VAV1: variants seen among roughly 807,000 people sequenced by gnomAD.
The protein encoded by VAV1 is vav guanine nucleotide exchange factor 1, also known as proto-oncogene vav.
VAV1 carries 33 observed loss-of-function variants against 128.1 expected under a neutral mutation model. The ratio of observed to expected loss-of-function variants is 0.26; its 90% CI spans 0.20 to 0.34. The LOEUF is 0.34. Ranked by LOEUF, VAV1 falls within the 10% of genes least tolerant of loss-of-function variation. The pLI is 1.00. For synonymous variants in VAV1, 394 were observed against 409.8 expected, an observed-to-expected ratio of 0.96 and a Z score of 0.47; for missense variants, 715 against 1,093.7, an observed-to-expected ratio of 0.65 and a Z score of 4.88.
chr19:6,803,117 G>A (rs1409509713), intron 1 of VAV1, among the ~76,000 whole-genome samples: 1 of 152,190 alleles, frequency 6.6e-6, no homozygotes, highest in Non-Finnish European at 1.5e-5. Flanking sequence ...GCCCAGGAAA[G>A]AATTCCAGGG....
At chr19:6,849,391 C>T (rs528150572) in intron 23 of VAV1, among the ~76,000 whole-genome samples, 24 of 141,110 alleles carry the variant, frequency 1.7e-4, no homozygotes, top group Admixed American at 4.6e-4. Flanking sequence ...CAGGTTCAAG[C>T]GAGTCTTCTG....
chr19:6,776,007 C>T (rs1408366786), intron 1 of VAV1, among the ~76,000 whole-genome samples: 2 of 152,008 alleles, frequency 1.3e-5, no homozygotes, highest in Non-Finnish European at 2.9e-5. Context: ...CGTTCATCCA[C>T]CCATCCACTC....
chr19:6,784,343 C>T, intron 1 of VAV1: 2 of 447,268 alleles, frequency 4.5e-6, no homozygotes, highest in South Asian at 5.4e-5. Flanking sequence ...AGGAATTCAG[C>T]TGGGGATGAG....
intron 1 of VAV1, among the ~76,000 whole-genome samples, chr19:6,774,388 A>C (rs1408961275): frequency 1.4e-5 from 2 of 147,326 alleles, no homozygotes; most frequent in Admixed American, 6.8e-5. Flanking sequence ...TCGGCCTCCC[A>C]AAGTGCTGGG....
At chr19:6,846,588 T>C (rs2144819928) in intron 22 of VAV1, among the ~76,000 whole-genome samples, 1 of 149,688 alleles carries the variant, frequency 6.7e-6, no homozygotes, top group African/African-American at 2.4e-5. Flanking sequence ...TATATAATTA[T>C]GTATTACATA....
chr19:6,843,266 T>C, intron 22 of VAV1, 100 bp downstream of exon 22: 1 of 1,358,034 alleles, frequency 7.4e-7, no homozygotes, highest in South Asian at 1.2e-5. Context: ...TTATGCATTC[T>C]GTGATCCCTG....
At chr19:6,821,509 G>C in intron 2 of VAV1, 113 bp from the exon 3 acceptor site, 1 of 1,264,416 alleles carries the variant, frequency 7.9e-7, no homozygotes, top group Non-Finnish European at 1.2e-6. Flanking sequence ...TCCTGAATTA[G>C]GCTTCCAAGA....
At chr19:6,829,135 A>G (rs905272482) in intron 13 of VAV1, among the ~76,000 whole-genome samples, 2 of 130,072 alleles carry the variant, frequency 1.5e-5, no homozygotes, top group Admixed American at 7.7e-5. Flanking sequence ...CAGATCTGGG[A>G]GGAGCCTGGG....
At chr19:6,791,940 G>C (rs542657317) in intron 1 of VAV1, among the ~76,000 whole-genome samples, 1 of 151,830 alleles carries the variant, frequency 6.6e-6, no homozygotes, top group African/African-American at 2.4e-5. Flanking sequence ...AGTGGAGGGA[G>C]AGTGGTAAAG....
Position 6,825,128 on chromosome 19 carries a change from C to T in VAV1, c.723+7C>T, listed in dbSNP as rs751163988. 32 of 1,610,666 alleles carry T rather than the reference C, an allele frequency of 2.0e-5. No homozygotes were observed. Among genetic ancestry groups the T allele is most frequent in the East Asian group, 8.9e-5 (4 of 44,892 alleles). On this transcript the variant is annotated splice_region_variant and intron_variant, in intron 7 of 26. Coordinates refer to ENST00000602142, the MANE Select transcript of VAV1 (RefSeq NM_005428.4). ...CATCTTTATCAACATTGAGGTGAGCCGGCCGATCCCCAGCCCTCTTGGGTC... is the reference window on the plus strand; with the variant it reads ...CATCTTTATCAACATTGAGGTGAGCTGGCCGATCCCCAGCCCTCTTGGGTC...
At chr19:6,814,663 CCTTCCTTCCTTTCTTT>C (rs1376484699) in intron 1 of VAV1, among the ~76,000 whole-genome samples, 37 of 26,508 alleles carry the variant, frequency 1.4e-3, no homozygotes, top group Non-Finnish European at 1.8e-3. Flanking sequence ...TTCCTTCCTT[CCTTCCTTCCTTTCTTT>C]CTTTCTTTCT....
At chr19:6,839,222 A>ATT (rs59905175) in intron 21 of VAV1, among the ~76,000 whole-genome samples, 10 of 134,142 alleles carry the variant, frequency 7.5e-5, no homozygotes, top group Admixed American at 2.2e-4. Flanking sequence ...TTTGTGTGTG[A>ATT]TTTTTTTTTT....
intron 1 of VAV1, among the ~76,000 whole-genome samples, chr19:6,807,977 G>A (rs1971430821): frequency 8.0e-6 from 1 of 125,068 alleles, no homozygotes; most frequent in East Asian, 2.3e-4. Flanking sequence ...GTGACAGAGT[G>A]AGACTCTGTC....
intron 26 of VAV1, 58 bp downstream of exon 26, chr19:6,854,156 G>T: frequency 6.3e-7 from 1 of 1,592,192 alleles, no homozygotes. Context: ...GGTGGTGGAC[G>T]AGACTGGAAC....
At chr19:6,834,536 C>T (rs1406987166) in intron 19 of VAV1, among the ~76,000 whole-genome samples, 2 of 149,346 alleles carry the variant, frequency 1.3e-5, no homozygotes, top group African/African-American at 4.9e-5. Context: ...AGCCACTGTG[C>T]CCAGCCTTAA....
intron 21 of VAV1, 111 bp from the exon 22 acceptor site, chr19:6,843,024 C>T: frequency 2.5e-6 from 3 of 1,205,082 alleles, no homozygotes; most frequent in South Asian, 1.2e-5. Flanking sequence ...ATAATAGGCA[C>T]TCACTAAATG....
chr19:6,787,949 C>T (rs1599622497), intron 1 of VAV1, among the ~76,000 whole-genome samples: 1 of 151,902 alleles, frequency 6.6e-6, no homozygotes, highest in African/African-American at 2.4e-5. Flanking sequence ...TGGTGACGGG[C>T]ACCTGTAGTC....
At chr19:6,792,227 T>C (rs1004648545) in intron 1 of VAV1, among the ~76,000 whole-genome samples, 9 of 151,958 alleles carry the variant, frequency 5.9e-5, no homozygotes, top group African/African-American at 2.2e-4. Flanking sequence ...AAAAAGAAGG[T>C]TGATGAAGGC....
At chr19:6,834,026 T>A in intron 19 of VAV1, 73 bp downstream of exon 19, 12 of 1,603,776 alleles carry the variant, frequency 7.5e-6, no homozygotes, top group Non-Finnish European at 9.4e-6. Flanking sequence ...CAGGGACAGA[T>A]CTCCATAATC....
Sources: gnomAD v4.1 joint callset for allele counts (sites outside exome capture counted in the v4.1 genomes callset) on GRCh38, gnomAD v4.1.1 for gene constraint, MANE v1.5 for transcripts, NCBI Gene and HGNC (gene_info 2026-07-23, HGNC 2026-07-21) for gene names.